NOL4: variants seen among roughly 807,000 people sequenced by gnomAD.
NOL4 encodes nucleolar protein 4, also known as cancer/testis antigen 125.
Under a neutral mutation model 75.9 loss-of-function variants are expected in NOL4, and 17 were observed. The observed-to-expected ratio is 0.22, with a 90% confidence interval of 0.15 to 0.34. The LOEUF is 0.34. NOL4 is among the 10% of genes least tolerant of loss of function. The pLI is 1.00. For synonymous variants in NOL4, 292 were observed against 289.9 expected, an observed-to-expected ratio of 1.01 and a Z score of -0.07; for missense variants, 614 against 793.5, an observed-to-expected ratio of 0.77 and a Z score of 2.72.
intron 6 of NOL4, among the ~76,000 whole-genome samples, chr18:34,014,071 C>T (rs1600251461): frequency 6.6e-6 from 1 of 151,810 alleles, no homozygotes; most frequent in South Asian, 2.1e-4. Flanking sequence ...TTGTAAAAGA[C>T]AATTTCTTTT....
chr18:34,086,887 T>A (rs1215785762), intron 5 of NOL4, among the ~76,000 whole-genome samples: 3 of 152,184 alleles, frequency 2.0e-5, no homozygotes, highest in African/African-American at 7.2e-5. Context: ...TATGTGGCAA[T>A]TGTCATAACT....
chr18:33,872,377 T>C (rs1284692167), intron 10 of NOL4, among the ~76,000 whole-genome samples: 2 of 152,056 alleles, frequency 1.3e-5, no homozygotes, highest in Non-Finnish European at 2.9e-5. Context: ...CCGGATGTTA[T>C]TTAAAAGCCA....
intron 1 of NOL4, among the ~76,000 whole-genome samples, chr18:34,208,816 TG>T (rs2036303885): frequency 6.6e-6 from 1 of 151,848 alleles, no homozygotes; most frequent in African/African-American, 2.4e-5. Flanking sequence ...AAGCCGAGAT[TG>T]CGCCACTGCA....
At chr18:34,105,361 T>C (rs1398100413) in intron 2 of NOL4, among the ~76,000 whole-genome samples, 3 of 152,020 alleles carry the variant, frequency 2.0e-5, no homozygotes, top group Non-Finnish European at 4.4e-5. Context: ...AAGCCAATAA[T>C]GCCATGTGGA....
At chr18:34,153,654 T>C (rs1260869486) in intron 1 of NOL4, among the ~76,000 whole-genome samples, 1 of 152,006 alleles carries the variant, frequency 6.6e-6, no homozygotes, top group Non-Finnish European at 1.5e-5. Context: ...GAAAGAGTGA[T>C]TAGCCAAATC....
At chr18:33,968,287 G>A (rs140216658) in intron 6 of NOL4, among the ~76,000 whole-genome samples, 249 of 152,076 alleles carry the variant, frequency 1.6e-3, no homozygotes, top group African/African-American at 5.6e-3. Context: ...CTGCATACAA[G>A]CCCAAGGGAA....
At chr18:33,939,756 C>A (rs771123580) in intron 9 of NOL4, among the ~76,000 whole-genome samples, 2 of 151,928 alleles carry the variant, frequency 1.3e-5, no homozygotes, top group Non-Finnish European at 2.9e-5. Context: ...ATTTAAATAC[C>A]CTTTCTTTCT....
At chr18:34,154,744 G>A (rs190075838) in intron 1 of NOL4, among the ~76,000 whole-genome samples, 2 of 151,814 alleles carry the variant, frequency 1.3e-5, no homozygotes, top group Non-Finnish European at 2.9e-5. Flanking sequence ...TCCCAAGTGG[G>A]TGTGTTAACT....
intron 9 of NOL4, among the ~76,000 whole-genome samples, chr18:33,926,552 A>G (rs1300244448): frequency 6.6e-6 from 1 of 152,142 alleles, no homozygotes; most frequent in Admixed American, 6.6e-5. Context: ...TGGTAGAGTA[A>G]AAGGCTTTGC....
At chr18:34,143,674 C>T (rs970093689) in intron 1 of NOL4, among the ~76,000 whole-genome samples, 4 of 151,918 alleles carry the variant, frequency 2.6e-5, no homozygotes, top group Non-Finnish European at 5.9e-5. Context: ...CGAGACCAGC[C>T]TGGCCAACAT....
At chr18:33,879,661 A>G (rs1005554838) in intron 10 of NOL4, among the ~76,000 whole-genome samples, 1 of 152,246 alleles carries the variant, frequency 6.6e-6, no homozygotes, top group Admixed American at 6.6e-5. Context: ...AGCCTGGGCA[A>G]CAGAGTGAAA....
At chr18:34,144,718 A>G (rs1278012500) in intron 1 of NOL4, among the ~76,000 whole-genome samples, 2 of 152,190 alleles carry the variant, frequency 1.3e-5, no homozygotes, top group African/African-American at 2.4e-5. Flanking sequence ...GATAATATAC[A>G]TGCATATAAA....
chr18:33,865,150 C>T (rs1412385258), intron 10 of NOL4, among the ~76,000 whole-genome samples: 1 of 152,086 alleles, frequency 6.6e-6, no homozygotes, highest in Non-Finnish European at 1.5e-5. Flanking sequence ...ATATTTAATT[C>T]CCCTAAGCTT....
At chr18:33,935,193 A>T (rs1478455474) in intron 9 of NOL4, among the ~76,000 whole-genome samples, 1 of 152,084 alleles carries the variant, frequency 6.6e-6, no homozygotes, top group Non-Finnish European at 1.5e-5. Context: ...CTCCAAGAAT[A>T]TTAAATCTCC....
At chr18:34,085,154 T>C (rs1355644185) in intron 5 of NOL4, among the ~76,000 whole-genome samples, 1 of 152,210 alleles carries the variant, frequency 6.6e-6, no homozygotes, top group Admixed American at 6.5e-5. Flanking sequence ...TTGAATAAAT[T>C]CAGAAAGGAT....
chr18:34,159,679 C>T (rs922668846), intron 1 of NOL4, among the ~76,000 whole-genome samples: 5 of 152,096 alleles, frequency 3.3e-5, no homozygotes, highest in Non-Finnish European at 7.4e-5. Flanking sequence ...TGTCCCGACC[C>T]GACCAACGGC....
intron 1 of NOL4, among the ~76,000 whole-genome samples, chr18:34,176,515 T>C (rs926710967): frequency 6.6e-6 from 1 of 152,086 alleles, no homozygotes; most frequent in Non-Finnish European, 1.5e-5. Context: ...GACTGAATTG[T>C]GTTCCCCTCA....
At chr18:34,194,135 T>G (rs1003207209) in intron 1 of NOL4, among the ~76,000 whole-genome samples, 4 of 152,108 alleles carry the variant, frequency 2.6e-5, no homozygotes, top group Non-Finnish European at 4.4e-5. Context: ...GAGGAATAAT[T>G]TCAAAATATA....
chr18:34,175,197 G>A (rs779563889), intron 1 of NOL4, among the ~76,000 whole-genome samples: 4 of 152,124 alleles, frequency 2.6e-5, no homozygotes, highest in East Asian at 1.9e-4. Context: ...CTTTTTCAAC[G>A]CCTCAATCCT....
Sources: allele counts gnomAD v4.1 joint callset (sites outside exome capture counted in the v4.1 genomes callset), GRCh38; gene constraint gnomAD v4.1.1; transcripts MANE v1.5; gene names NCBI Gene and HGNC (gene_info 2026-07-23, HGNC 2026-07-21).